ZFAT: variants seen among roughly 807,000 people sequenced by gnomAD.
The protein encoded by ZFAT is zinc finger and AT-hook domain containing.
ZFAT carries 64 observed loss-of-function variants against 117.7 expected under a neutral mutation model. The ratio of observed to expected loss-of-function variants is 0.54; its 90% CI spans 0.44 to 0.67. The LOEUF is 0.67. Ranked by LOEUF, ZFAT falls within the 30% of genes least tolerant of loss-of-function variation. The pLI is 0.00. For missense variants in ZFAT, 1,433 were observed against 1,584.5 expected (o/e 0.90, Z 1.62); for synonymous variants, 679 against 615.0 (o/e 1.10, Z -1.54).
intron 2 of ZFAT, among the ~76,000 whole-genome samples, chr8:134,645,300 T>C (rs921425449): frequency 1.2e-4 from 18 of 152,138 alleles, no homozygotes; most frequent in Non-Finnish European, 1.9e-4. Context: ...TGAATGAAAA[T>C]CATTAGAGAG....
Position 134,478,296 on chromosome 8 carries a change from A to G in ZFAT, c.*186T>C, listed in dbSNP as rs11538239. ...TATGCTGGGGTGAGGGTCCTGTGGT[A>G]TTGCTGGTGATGCTGACTGCCTTGC... On this transcript the variant is annotated 3_prime_UTR_variant, in exon 16 of 16. Transcript: ENST00000377838. This position sits in a 1 kb window ranked among gnomAD's most constrained non-coding sequence, Gnocchi z 5.2. The G allele has an allele frequency of 0.76, 556,214 of 736,482 alleles. 211,837 individuals are homozygous for G. The highest frequency in any genetic ancestry group is 0.82 in the African/African-American group (46,380 of 56,564). The allele number at this position is 736,482 out of a possible 1,614,324, so 45.6% of individuals were successfully genotyped here.
At chr8:134,790,838 G>A in the ZFAT span, among the ~76,000 whole-genome samples, 4 of 151,798 alleles carry the variant, frequency 2.6e-5, no homozygotes, top group Admixed American at 6.6e-5. Context: ...AACACAGTGA[G>A]ACTCCATCTC....
chr8:134,680,261 CAAAAAAAAAAA>C (rs35292754), intron 1 of ZFAT, among the ~76,000 whole-genome samples: 7 of 48,938 alleles, frequency 1.4e-4, no homozygotes, highest in Admixed American at 5.2e-4. Flanking sequence ...GACTCCCCCT[CAAAAAAAAAAA>C]AAAAAAAAAG....
At chr8:134,658,055 C>A (rs545018632) in intron 1 of ZFAT, among the ~76,000 whole-genome samples, 2 of 152,174 alleles carry the variant, frequency 1.3e-5, no homozygotes, top group Admixed American at 6.5e-5. Flanking sequence ...AATAAATATG[C>A]GGCCGGGCGC....
intron 10 of ZFAT, among the ~76,000 whole-genome samples, chr8:134,581,937 A>G (rs1389061539): frequency 6.6e-6 from 1 of 152,234 alleles, no homozygotes; most frequent in African/African-American, 2.4e-5. Flanking sequence ...AAACAAAGAC[A>G]TGACTTTACA....
intron 11 of ZFAT, among the ~76,000 whole-genome samples, chr8:134,538,295 C>T (rs572988134): frequency 3.3e-5 from 5 of 152,166 alleles, no homozygotes; most frequent in African/African-American, 1.2e-4. Flanking sequence ...AAGCTGAGCG[C>T]TCTAAATCCA....
chr8:134,578,239 C>A (rs1014076107), intron 10 of ZFAT, among the ~76,000 whole-genome samples: 3 of 151,872 alleles, frequency 2.0e-5, no homozygotes, highest in Non-Finnish European at 4.4e-5. Context: ...ATGGTGAAAC[C>A]CCATCTCTAC....
chr8:134,574,137 G>C lies in ZFAT; in HGVS notation c.2888-8716C>G, dbSNP rs1259559266. ...ACTCTCCACGTTGAAGGAAGGAGAGGGGGATGTCAATGTGGTAGGTGGGGG... is the reference window on the plus strand; with the variant it reads ...ACTCTCCACGTTGAAGGAAGGAGAGCGGGATGTCAATGTGGTAGGTGGGGG... On this transcript the variant is annotated intron_variant, in intron 10 of 15. Coordinates refer to ENST00000377838, the MANE Select transcript of ZFAT (RefSeq NM_020863.4). 2.0e-5 allele frequency among the ~76,000 whole-genome samples: 3 copies of C among 152,184 alleles called. No individual in the cohort carries two copies. In the East Asian group the frequency reaches 5.8e-4, roughly 29 times the overall value.
chr8:134,584,789 G>A (rs559702891), intron 9 of ZFAT, among the ~76,000 whole-genome samples: 12 of 152,186 alleles, frequency 7.9e-5, no homozygotes, highest in Non-Finnish European at 1.5e-4. Flanking sequence ...GGCTGGGGCC[G>A]GGGGAAGGGG....
intron 10 of ZFAT, among the ~76,000 whole-genome samples, chr8:134,569,865 AAGCAG>A (rs1336634910): frequency 6.6e-6 from 1 of 152,190 alleles, no homozygotes; most frequent in Non-Finnish European, 1.5e-5. Context: ...AAAAGCATAA[AAGCAG>A]AGCAAAGGAA....
At chr8:134,648,501 A>G (rs747808056) in intron 2 of ZFAT, among the ~76,000 whole-genome samples, 3 of 152,144 alleles carry the variant, frequency 2.0e-5, no homozygotes, top group Non-Finnish European at 2.9e-5. Flanking sequence ...TCTTACAAAA[A>G]TCAAAATAAT....
intron 12 of ZFAT, among the ~76,000 whole-genome samples, 153 bp downstream of exon 12, chr8:134,532,681 C>A (rs1006983704): frequency 6.6e-6 from 1 of 152,164 alleles, no homozygotes; most frequent in Admixed American, 6.5e-5. Context: ...ATGATAAGGA[C>A]GATGATGACA....
Position 134,512,504 on chromosome 8 carries a change from A to G in ZFAT, c.3332T>C (p.Leu1111Pro), listed in dbSNP as rs1270031642. The part of the protein sequence containing the change: ...VQGTQAAVAA[L>P]QDLRYTSESG... Reference sequence around the variant, plus strand: ...CTCAGAGGTGTATCTCAGGTCCTGGAGCGCGGCCACCGCTGCCTGTGTCCC... The same window carrying G: ...CTCAGAGGTGTATCTCAGGTCCTGGGGCGCGGCCACCGCTGCCTGTGTCCC... Residue 1111 changes from leucine (L) to proline (P), a missense_variant, in exon 14 of 16, where the codon CTC (leucine) becomes CCC (proline). Coordinates refer to ENST00000377838, the MANE Select transcript of ZFAT (RefSeq NM_020863.4). 2.5e-6 allele frequency: 4 copies of G among 1,613,908 alleles called. No homozygotes were observed. The highest frequency in any genetic ancestry group is 4.5e-5 in the East Asian group (2 of 44,900).
At chr8:134,771,331 A>G in the ZFAT span, among the ~76,000 whole-genome samples, 1 of 152,214 alleles carries the variant, frequency 6.6e-6, no homozygotes, top group East Asian at 1.9e-4. Context: ...AGATTCCCTG[A>G]TACTGAATGC....
intron 12 of ZFAT, among the ~76,000 whole-genome samples, chr8:134,528,895 C>T (rs1210029138): frequency 6.6e-6 from 1 of 152,210 alleles, no homozygotes; most frequent in Non-Finnish European, 1.5e-5. Context: ...AGCATGGTTC[C>T]AGGCACACTG....
chr8:134,488,433 G>A (rs570927105), intron 15 of ZFAT, among the ~76,000 whole-genome samples: 3 of 152,244 alleles, frequency 2.0e-5, no homozygotes, highest in Admixed American at 1.3e-4. Flanking sequence ...ATCAGCACCT[G>A]ATTTGCAAGA....
intron 1 of ZFAT, among the ~76,000 whole-genome samples, chr8:134,667,050 A>G (rs1747673482): frequency 6.6e-6 from 1 of 152,080 alleles, no homozygotes. Flanking sequence ...AAAACCAAAT[A>G]CCACGTTCTC....
the ZFAT span, among the ~76,000 whole-genome samples, chr8:134,769,141 C>T: frequency 5.3e-5 from 8 of 152,226 alleles, no homozygotes; most frequent in East Asian, 3.9e-4. Flanking sequence ...CCACTGCACT[C>T]CAGCCTGGGC....
the ZFAT span, among the ~76,000 whole-genome samples, chr8:134,831,329 C>G: frequency 6.6e-6 from 1 of 152,210 alleles, no homozygotes; most frequent in Non-Finnish European, 1.5e-5. Flanking sequence ...GAACTCATGT[C>G]AAATCAAGCA....
Sources: allele counts gnomAD v4.1 joint callset (sites outside exome capture counted in the v4.1 genomes callset), GRCh38; gene constraint gnomAD v4.1.1; non-coding constraint Gnocchi (gnomAD v3.1); transcripts MANE v1.5; gene names NCBI Gene and HGNC (gene_info 2026-07-23, HGNC 2026-07-21).